The following PACRG variants were observed in gnomAD, a reference collection of about 807,000 sequenced individuals.
PACRG encodes parkin coregulated.
A neutral mutation model predicts 29.7 loss-of-function variants in PACRG; 29 were observed. That is an observed-to-expected ratio of 0.98 (90% CI 0.73 to 1.33). The LOEUF (loss-of-function observed/expected upper bound fraction) is 1.33. Ranked by LOEUF, PACRG falls within the 40% of genes most tolerant of loss-of-function variation. PACRG has a pLI of 0.00. For synonymous variants in PACRG, 116 were observed against 118.7 expected, an observed-to-expected ratio of 0.98 and a Z score of 0.15; for missense variants, 279 against 316.2, an observed-to-expected ratio of 0.88 and a Z score of 0.89.
chr6:163,269,884 A>G lies in PACRG; in HGVS notation c.614-44943A>G. ...GAAAGAAAGAGAAAGAAAGAAAGAAAGAAAGAAAACAAAGAAAGAAAGAAA... is the reference window on the plus strand; with the variant it reads ...GAAAGAAAGAGAAAGAAAGAAAGAAGGAAAGAAAACAAAGAAAGAAAGAAA... On this transcript the variant is annotated intron_variant, in intron 4 of 4. Coordinates refer to ENST00000366888, the MANE Select transcript of PACRG (RefSeq NM_001080379.2). Among the ~76,000 whole-genome samples the G allele has an allele frequency of 4.8e-5, 2 of 41,686 alleles. 1 individual carries two copies. The highest frequency in any genetic ancestry group is 2.3e-4 in the African/African-American group (2 of 8,556). The allele number at this position is 41,686 out of a possible 152,430, so 27.3% of individuals were successfully genotyped here.
chr6:162,883,011 C>T (rs1394488647), intron 2 of PACRG, among the ~76,000 whole-genome samples: 1 of 152,196 alleles, frequency 6.6e-6, no homozygotes, highest in African/African-American at 2.4e-5. Context: ...GGCAGGGGCA[C>T]CTCGAGTTCC....
At chr6:162,780,745 C>T (rs2128313403) in intron 1 of PACRG, among the ~76,000 whole-genome samples, 1 of 151,974 alleles carries the variant, frequency 6.6e-6, no homozygotes, top group East Asian at 1.9e-4. Flanking sequence ...TTGGGAACTA[C>T]AATATCTAAG....
intron 4 of PACRG, among the ~76,000 whole-genome samples, chr6:163,249,289 A>C (rs1782814173): frequency 6.6e-6 from 1 of 152,240 alleles, no homozygotes; most frequent in Non-Finnish European, 1.5e-5. Context: ...GGCATGGCTA[A>C]TCATTTCAAA....
chr6:163,170,143 T>A (rs1029665677), intron 4 of PACRG, among the ~76,000 whole-genome samples: 3 of 152,140 alleles, frequency 2.0e-5, no homozygotes, highest in Admixed American at 6.5e-5. Context: ...AAGGTGACAG[T>A]TCAGCCCGTA....
chr6:163,014,165 G>A (rs766748809), intron 2 of PACRG, among the ~76,000 whole-genome samples: 1 of 152,192 alleles, frequency 6.6e-6, no homozygotes, highest in African/African-American at 2.4e-5. Context: ...CTGCATAGAT[G>A]TTGCTGCAAA....
intron 2 of PACRG, among the ~76,000 whole-genome samples, chr6:162,985,486 C>A (rs1802808851): frequency 6.6e-6 from 1 of 151,936 alleles, no homozygotes; most frequent in Non-Finnish European, 1.5e-5. Context: ...GCAGAAAAAG[C>A]TTTTTGACAA....
intron 1 of PACRG, among the ~76,000 whole-genome samples, chr6:162,757,357 A>C (rs1782005301): frequency 1.3e-5 from 2 of 152,214 alleles, no homozygotes; most frequent in South Asian, 4.1e-4. Flanking sequence ...CATTATATAA[A>C]TATAACATGG....
intron 2 of PACRG, among the ~76,000 whole-genome samples, chr6:162,974,918 A>G (rs1487099241): frequency 6.6e-6 from 1 of 152,144 alleles, no homozygotes; most frequent in African/African-American, 2.4e-5. Flanking sequence ...CTCAGTAGCA[A>G]TGGCTCTTTT....
Position 163,084,851 on chromosome 6 carries a change from C to CATATATATAATATATATATAATATAT in PACRG, c.464-4389_464-4388insAATATATATATATATAATATATATAT, listed in dbSNP as rs55973249. Reference sequence around the variant, plus strand: ...TATATCTCATATATACATATGTGTGCATATATATAATATATATATTATATT... The same window carrying CATATATATAATATATATATAATATAT: ...TATATCTCATATATACATATGTGTGCATATATATAATATATATATAATATATATATATATAATATATATATTATATT... On this transcript the variant is annotated intron_variant, in intron 3 of 4. Coordinates refer to ENST00000366888, the MANE Select transcript of PACRG (RefSeq NM_001080379.2). 6.6e-4 allele frequency among the ~76,000 whole-genome samples: 91 copies of CATATATATAATATATATATAATATAT among 138,690 alleles called. 2 individuals are homozygous for CATATATATAATATATATATAATATAT. The highest frequency in any genetic ancestry group is 2.4e-3 in the African/African-American group (88 of 36,214). 91.0% of individuals were successfully genotyped at this position (138,690 alleles called of 152,430 possible). A position where few individuals can be genotyped will look rare whatever the true frequency, so the allele number is the denominator to read the frequency against.
rs373351944 is a variant in PACRG at position 162,947,470 on chromosome 6, A to C, written c.292-114680A>C. Among the ~76,000 whole-genome samples the C allele has an allele frequency of 4.1e-4, 39 of 96,184 alleles. No homozygotes were observed. The South Asian group carries it at 6.8e-3, about 17-fold the overall frequency. The allele number at this position is 96,184 out of a possible 152,430, so 63.1% of individuals were successfully genotyped here. A position where few individuals can be genotyped will look rare whatever the true frequency, so the allele number is the denominator to read the frequency against. On this transcript the variant is annotated intron_variant, in intron 2 of 4. Coordinates refer to ENST00000366888, the MANE Select transcript of PACRG (RefSeq NM_001080379.2). ...TATAATCATATATATAATCATATATAATATATATATAATCATATATATACT... is the reference window on the plus strand; with the variant it reads ...TATAATCATATATATAATCATATATCATATATATATAATCATATATATACT...
intron 4 of PACRG, chr6:163,101,537 G>A (rs762720231): frequency 2.2e-6 from 1 of 456,258 alleles, no homozygotes; most frequent in Non-Finnish European, 2.9e-6. Context: ...AGCTGTGAGT[G>A]TAGGATAATG....
At chr6:162,805,871 C>T (rs1786277631) in intron 1 of PACRG, among the ~76,000 whole-genome samples, 1 of 152,200 alleles carries the variant, frequency 6.6e-6, no homozygotes. Context: ...ATTTCTGCTA[C>T]ATCTCCAGTT....
intron 4 of PACRG, among the ~76,000 whole-genome samples, chr6:163,299,974 C>A (rs372660863): frequency 6.6e-6 from 1 of 152,214 alleles, no homozygotes; most frequent in East Asian, 1.9e-4. Flanking sequence ...GATAGAAGCA[C>A]GTAGGGGGCA....
Position 162,734,394 on chromosome 6 carries a change from T to G in PACRG, c.156+6003T>G, listed in dbSNP as rs183268199. On this transcript the variant is annotated intron_variant, in intron 1 of 4. Transcript: ENST00000366888. ...ATTTTGGAAGGTATAAATTTTGACT[T>G]ATTTTCCCTAAATGGCCAGAGAATT... is the stretch of plus-strand genomic sequence containing the variant. 2.2e-4 allele frequency among the ~76,000 whole-genome samples: 34 copies of G among 152,300 alleles called. 1 individual carries two copies. The East Asian group carries it at 5.8e-3, about 26-fold the overall frequency.
At chr6:163,273,751 C>T (rs904818831) in intron 4 of PACRG, among the ~76,000 whole-genome samples, 2 of 151,956 alleles carry the variant, frequency 1.3e-5, no homozygotes, top group African/African-American at 2.4e-5. Flanking sequence ...TATTTCACTA[C>T]ATTTTTGTCT....
At chr6:162,776,004 A>T (rs546529616) in intron 1 of PACRG, among the ~76,000 whole-genome samples, 1 of 152,328 alleles carries the variant, frequency 6.6e-6, no homozygotes, top group South Asian at 2.1e-4. Flanking sequence ...TAAGAAAGGG[A>T]ATATAAAATT....
chr6:163,026,688 G>A (rs1177354530), intron 2 of PACRG, among the ~76,000 whole-genome samples: 2 of 152,210 alleles, frequency 1.3e-5, no homozygotes, highest in Non-Finnish European at 2.9e-5. Flanking sequence ...TCAGGTCCTT[G>A]AGGGAGGGAT....
At chr6:163,175,990 C>G (rs1779339801) in intron 4 of PACRG, among the ~76,000 whole-genome samples, 1 of 152,154 alleles carries the variant, frequency 6.6e-6, no homozygotes, top group Non-Finnish European at 1.5e-5. Flanking sequence ...TGAGTCTATT[C>G]TGTTTATTTA....
At chr6:163,267,269 C>T (rs957412833) in intron 4 of PACRG, among the ~76,000 whole-genome samples, 1 of 152,170 alleles carries the variant, frequency 6.6e-6, no homozygotes. Flanking sequence ...CCATCAGTGA[C>T]GAGTCCCCGC....
Sources: allele counts gnomAD v4.1 joint callset (sites outside exome capture counted in the v4.1 genomes callset), GRCh38; gene constraint gnomAD v4.1.1; transcripts MANE v1.5; gene names NCBI Gene and HGNC (gene_info 2026-07-23, HGNC 2026-07-21).